The following MTHFD2L variants were observed in gnomAD, a reference collection of about 807,000 sequenced individuals.
MTHFD2L encodes bifunctional methylenetetrahydrofolate dehydrogenase/cyclohydrolase 2, mitochondrial.
In MTHFD2L, 29 loss-of-function variants were observed where a neutral mutation model predicts 34.9. The observed-to-expected ratio is 0.83, with a 90% CI of 0.62 to 1.13. The LOEUF (loss-of-function observed/expected upper bound fraction) is 1.13, where lower values mean the gene tolerates loss of function less well. Ranked by LOEUF, MTHFD2L falls within the 50% of genes most tolerant of loss-of-function variation. The pLI is 0.00. For missense variants in MTHFD2L, 481 were observed against 446.5 expected (o/e 1.08, Z -0.70); for synonymous variants, 167 against 155.7 (o/e 1.07, Z -0.54).
intron 5 of MTHFD2L, among the ~76,000 whole-genome samples, chr4:74,204,924 A>T (rs958806917): frequency 6.6e-6 from 1 of 152,170 alleles, no homozygotes; most frequent in African/African-American, 2.4e-5. Flanking sequence ...AAACATATAT[A>T]CTTTAAAAAG....
At chr4:74,128,861 A>G (rs1449506861) in intron 1 of MTHFD2L, among the ~76,000 whole-genome samples, 6 of 152,040 alleles carry the variant, frequency 3.9e-5, no homozygotes, top group Non-Finnish European at 7.4e-5. Context: ...CAGCACCTCT[A>G]TAACTTTCAA....
At chr4:74,131,293 C>A (rs564420351) in intron 1 of MTHFD2L, among the ~76,000 whole-genome samples, 5 of 151,932 alleles carry the variant, frequency 3.3e-5, no homozygotes, top group Non-Finnish European at 5.9e-5. Context: ...CCTAAACAAA[C>A]AGAAAAATGC....
intron 1 of MTHFD2L, among the ~76,000 whole-genome samples, chr4:74,168,014 C>T (rs1235478871): frequency 1.3e-5 from 2 of 151,322 alleles, no homozygotes; most frequent in Non-Finnish European, 2.9e-5. Context: ...ACCCCTTTGC[C>T]TAACTCCCCA....
intron 1 of MTHFD2L, among the ~76,000 whole-genome samples, chr4:74,126,747 G>C (rs1037069974): frequency 1.3e-5 from 2 of 151,990 alleles, no homozygotes; most frequent in African/African-American, 4.8e-5. Context: ...TCATGTACTT[G>C]TATGATTATT....
At chr4:74,199,374 C>T (rs1212724523) in intron 3 of MTHFD2L, among the ~76,000 whole-genome samples, 2 of 152,100 alleles carry the variant, frequency 1.3e-5, no homozygotes, top group African/African-American at 4.8e-5. Context: ...TAACAAACCC[C>T]TTTTAATCTC....
chr4:74,125,020 T>C (rs1560399737), upstream of MTHFD2L, among the ~76,000 whole-genome samples: 1 of 152,160 alleles, frequency 6.6e-6, no homozygotes, highest in Non-Finnish European at 1.5e-5. Flanking sequence ...CTCCCTTGCT[T>C]CTGAATTCCA....
chr4:74,156,477 C>G (rs1279161765), upstream of MTHFD2L: 2 of 152,092 alleles, frequency 1.3e-5, no homozygotes, highest in Non-Finnish European at 2.9e-5. Flanking sequence ...TATTTAAGAA[C>G]ATCTTGGTTT....
intron 7 of MTHFD2L, among the ~76,000 whole-genome samples, chr4:74,282,670 G>T (rs1482216518): frequency 6.6e-6 from 1 of 152,218 alleles, no homozygotes; most frequent in Middle Eastern, 3.4e-3. Flanking sequence ...ACACATATGT[G>T]CAACAATGCG....
chr4:74,232,169 A>G (rs1740165593), intron 6 of MTHFD2L, among the ~76,000 whole-genome samples: 1 of 152,214 alleles, frequency 6.6e-6, no homozygotes, highest in Admixed American at 6.5e-5. Context: ...AGTAGTTCTT[A>G]TAAGCATAAA....
At chr4:74,241,320 A>T (rs1741675605) in intron 6 of MTHFD2L, among the ~76,000 whole-genome samples, 1 of 152,210 alleles carries the variant, frequency 6.6e-6, no homozygotes, top group Non-Finnish European at 1.5e-5. Context: ...CCAAAGATAA[A>T]TCCATATTTT....
chr4:74,234,986 A>G (rs1036401569), intron 6 of MTHFD2L, among the ~76,000 whole-genome samples: 15 of 152,146 alleles, frequency 9.9e-5, no homozygotes, highest in African/African-American at 3.6e-4. Context: ...ATAAAAGGCA[A>G]TGAGACTTCT....
At chr4:74,212,681 G>T (rs1272119908) in intron 5 of MTHFD2L, among the ~76,000 whole-genome samples, 1 of 152,176 alleles carries the variant, frequency 6.6e-6, no homozygotes, top group African/African-American at 2.4e-5. Context: ...TTGATCTGGG[G>T]TGGAAAGTTT....
chr4:74,161,919 T>C (rs1465610758), intron 1 of MTHFD2L: 1 of 152,078 alleles, frequency 6.6e-6, no homozygotes, highest in Non-Finnish European at 1.5e-5. Flanking sequence ...TGGAAGGAGG[T>C]TTAAGAGAGG....
intron 1 of MTHFD2L, among the ~76,000 whole-genome samples, chr4:74,163,734 G>C (rs1463155954): frequency 6.6e-6 from 1 of 152,108 alleles, no homozygotes; most frequent in Non-Finnish European, 1.5e-5. Flanking sequence ...CCTGTTTTTG[G>C]GGGGTTTCAT....
chr4:74,148,381 TTATTTATTTATCTATC>T (rs756450565), intron 1 of MTHFD2L, among the ~76,000 whole-genome samples: 5,555 of 58,852 alleles, frequency 0.094, 176 homozygotes, highest in Admixed American at 0.18. Context: ...ATTTATTTAT[TTATTTATTTATCTATC>T]TATCTATTTA....
chr4:74,224,842 C>T (rs1402884731), intron 5 of MTHFD2L, among the ~76,000 whole-genome samples: 1 of 152,116 alleles, frequency 6.6e-6, no homozygotes, highest in Non-Finnish European at 1.5e-5. Flanking sequence ...AATGTATTTC[C>T]TCCTTTAGGA....
At chr4:74,191,359 T>G (rs971764764) in intron 3 of MTHFD2L, among the ~76,000 whole-genome samples, 2 of 147,272 alleles carry the variant, frequency 1.4e-5, no homozygotes, top group African/African-American at 2.6e-5. Context: ...AAACTTTACC[T>G]GGTCGTTTTT....
chr4:74,265,037 G>A (rs1334267358), intron 6 of MTHFD2L, among the ~76,000 whole-genome samples: 2 of 152,048 alleles, frequency 1.3e-5, no homozygotes, highest in Non-Finnish European at 2.9e-5. Context: ...CGTATTTCAA[G>A]TATTTTAGTT....
chr4:74,289,921 G>T (rs1206209060), intron 7 of MTHFD2L, among the ~76,000 whole-genome samples: 1 of 152,116 alleles, frequency 6.6e-6, no homozygotes, highest in African/African-American at 2.4e-5. Context: ...GGTAGATAAT[G>T]GGCAAAAGAG....
Sources: gnomAD v4.1 joint callset for allele counts (sites outside exome capture counted in the v4.1 genomes callset) on GRCh38, gnomAD v4.1.1 for gene constraint, MANE v1.5 for transcripts, NCBI Gene and HGNC (gene_info 2026-07-23, HGNC 2026-07-21) for gene names.